The following ARFGEF2 variants were observed in gnomAD, a reference collection of about 807,000 sequenced individuals.
ARFGEF2 encodes the protein ARF guanine nucleotide exchange factor 2.
In ARFGEF2, 74 loss-of-function variants were observed where a neutral mutation model predicts 219.9. The observed-to-expected ratio is 0.34, with a 90% confidence interval of 0.28 to 0.41. The LOEUF is 0.41. Ranked by LOEUF, ARFGEF2 falls within the 10% of genes least tolerant of loss-of-function variation. The probability of loss-of-function intolerance (pLI) is 1.00; values close to 1 mark genes in which losing one functional copy is unlikely to be tolerated. For synonymous variants in ARFGEF2, 733 were observed against 799.2 expected, an observed-to-expected ratio of 0.92 and a Z score of 1.40; for missense variants, 1,743 against 2,218.3, an observed-to-expected ratio of 0.79 and a Z score of 4.30.
intron 27 of ARFGEF2, among the ~76,000 whole-genome samples, chr20:49,011,711 G>A (rs1463702540): frequency 2.6e-5 from 4 of 152,238 alleles, no homozygotes; most frequent in Non-Finnish European, 4.4e-5. Flanking sequence ...AGCGCAGGAA[G>A]ACTGTCTAGC....
rs772555441 is a variant in ARFGEF2, at chr20:48,985,609, C to G, written c.2272C>G (p.Gln758Glu). 7 of 1,614,072 alleles carry G rather than the reference C, an allele frequency of 4.3e-6. No individual in the cohort carries two copies. The South Asian group carries it at 6.6e-5, about 15-fold the overall frequency. ...TGCCGCAAGATACATAGAATGCAACCAAGGGTGAGCGCCGATTTTGAGTCC... is the reference window on the plus strand; with the variant it reads ...TGCCGCAAGATACATAGAATGCAACGAAGGGTGAGCGCCGATTTTGAGTCC... ...KFAARYIECN[Q>E]GQTLFASADT... is the part of the protein sequence containing the mutation. The change falls in exon 16 of 39, where the codon CAA becomes GAA. Residue 758 changes from glutamine (Q) to glutamate (E), a missense_variant. Physicochemically the swap from Gln to Glu is conservative, Grantham distance 29 (BLOSUM62 2). Around this residue, in one of 5 missense-constraint regions of ARFGEF2, gnomAD observed 666 missense variants for 955.4 expected, o/e 0.70. Transcript: ENST00000371917.
chr20:48,973,400 T>C (rs2091240622), intron 12 of ARFGEF2, 116 bp downstream of exon 12: 1 of 1,095,146 alleles, frequency 9.1e-7, no homozygotes. Context: ...AAAACAGGAA[T>C]GCATATTCAC....
chr20:48,921,885 G>A lies in ARFGEF2; in HGVS notation c.-5G>A, dbSNP rs375056092. On this transcript the variant is annotated 5_prime_UTR_variant, in exon 1 of 39. Transcript: ENST00000371917. ...GGGGCCGTCAGCCCCCGCCGGGCCG[G>A]GGCCATGCAGGAGAGCCAGACCAAG... 1.5e-4 allele frequency: 224 copies of A among 1,543,564 alleles called. 1 individual carries two copies. The highest frequency in any genetic ancestry group is 1.2e-4 in the Admixed American group (6 of 50,532).
intron 3 of ARFGEF2, among the ~76,000 whole-genome samples, chr20:48,950,805 AAAAAAAAT>A (rs1157121657): frequency 3.0e-4 from 12 of 40,226 alleles, no homozygotes; most frequent in African/African-American, 1.2e-3. Flanking sequence ...AAAAAAAAAA[AAAAAAAAT>A]ATATATATAT....
intron 35 of ARFGEF2, among the ~76,000 whole-genome samples, chr20:49,024,444 C>G (rs2091588462): frequency 6.6e-6 from 1 of 152,152 alleles, no homozygotes; most frequent in African/African-American, 2.4e-5. Flanking sequence ...CTAGCCCAGT[C>G]AAAGCGGCTG....
chr20:48,964,029 T>G (rs938278830), intron 7 of ARFGEF2, 131 bp downstream of exon 7: 6 of 807,890 alleles, frequency 7.4e-6, no homozygotes, highest in African/African-American at 5.1e-5. Context: ...AACTGAATCT[T>G]CCCACGTCTG....
At chr20:48,954,848 C>T (rs997329340) in intron 6 of ARFGEF2, among the ~76,000 whole-genome samples, 1 of 152,144 alleles carries the variant, frequency 6.6e-6, no homozygotes, top group Admixed American at 6.5e-5. Flanking sequence ...CAGAATCCCC[C>T]GGCCCACCCT....
chr20:48,956,444 G>A (rs138137919), intron 6 of ARFGEF2, among the ~76,000 whole-genome samples: 36 of 152,328 alleles, frequency 2.4e-4, no homozygotes, highest in African/African-American at 8.2e-4. Flanking sequence ...CGGGCCACTT[G>A]AGGCCAGGAG....
chr20:49,027,353 A>C (rs1218271431), intron 36 of ARFGEF2, among the ~76,000 whole-genome samples: 1 of 152,142 alleles, frequency 6.6e-6, no homozygotes, highest in Non-Finnish European at 1.5e-5. Flanking sequence ...AAGAGCTGTT[A>C]CATTTGAAAA....
chr20:48,998,312 T>G, intron 24 of ARFGEF2, 24 bp from the exon 25 acceptor site: 1 of 1,614,170 alleles, frequency 6.2e-7, no homozygotes, highest in Non-Finnish European at 8.5e-7. Flanking sequence ...AGGCTTTGCT[T>G]GTGTTGTTGG....
intron 1 of ARFGEF2, among the ~76,000 whole-genome samples, chr20:48,930,571 T>C (rs1397239847): frequency 6.6e-6 from 1 of 152,162 alleles, no homozygotes; most frequent in Non-Finnish European, 1.5e-5. Context: ...GCTGGGTGGA[T>C]GGTGCCTATT....
chr20:48,938,395 C>A (rs531846805), intron 1 of ARFGEF2, among the ~76,000 whole-genome samples: 5 of 152,338 alleles, frequency 3.3e-5, no homozygotes, highest in African/African-American at 1.2e-4. Context: ...CAGGGCTAGG[C>A]AGCTTGCAAA....
intron 1 of ARFGEF2, among the ~76,000 whole-genome samples, chr20:48,924,430 T>A (rs181657648): frequency 2.1e-5 from 3 of 143,920 alleles, no homozygotes; most frequent in East Asian, 4.1e-4. Context: ...GAGAATGGCG[T>A]GAACCCAGGA....
chr20:48,932,330 A>G (rs1275303304), intron 1 of ARFGEF2, among the ~76,000 whole-genome samples: 1 of 152,172 alleles, frequency 6.6e-6, no homozygotes, highest in Non-Finnish European at 1.5e-5. Context: ...GCAGCAGAAC[A>G]GCGATGATTG....
chr20:48,953,404 G>T, intron 5 of ARFGEF2, 152 bp from the exon 6 acceptor site: 1 of 748,330 alleles, frequency 1.3e-6, no homozygotes, highest in East Asian at 2.6e-5. Context: ...TCGAACTCCT[G>T]GGTTCAAGAA....
intron 28 of ARFGEF2, among the ~76,000 whole-genome samples, chr20:49,013,187 T>C (rs887005994): frequency 1.3e-5 from 2 of 152,204 alleles, no homozygotes; most frequent in Non-Finnish European, 2.9e-5. Flanking sequence ...TAGCTGCTGG[T>C]ATTATTTTAA....
rs1453379998 is a variant in ARFGEF2 at position 49,035,292 on chromosome 20, G to C, written c.*2093G>C. The stretch of plus-strand genomic sequence containing the variant: ...CCCTCTCTTTAATTTTGCCTCTTGA[G>C]GGGTAGCAGATGTGTCAGTGCATTT... On this transcript the variant is annotated 3_prime_UTR_variant, in exon 39 of 39. Coordinates refer to ENST00000371917, the MANE Select transcript of ARFGEF2 (RefSeq NM_006420.3). 3 of 152,130 alleles carry C rather than the reference G, an allele frequency of 2.0e-5. No individual in the cohort carries two copies. The highest frequency in any genetic ancestry group is 7.2e-5 in the African/African-American group (3 of 41,426). 9.4% of individuals were successfully genotyped at this position (152,130 alleles called of 1,614,324 possible).
At position 49,013,862 on chromosome 20, in the gene ARFGEF2, A is replaced by G. The variant is rs1415618208; in HGVS notation, c.4081A>G (p.Ser1361Gly). 6.2e-7 allele frequency: 1 copy of G among 1,613,928 alleles called. No homozygotes were observed. The highest frequency in any genetic ancestry group is 1.3e-5 in the African/African-American group (1 of 74,878). ...GLTVMFEIMK[S>G]YGHTFEKHWW... ...CACAGTCATGTTTGAGATCATGAAG[A>G]GCTATGGCCACACCTTTGAAAAGCA... Residue 1361 changes from serine (S) to glycine (G), a missense_variant, in exon 30 of 39, where the codon AGC (serine) becomes GGC (glycine). Ser to Gly is a moderately conservative substitution (Grantham distance 56). Coordinates refer to ENST00000371917, the MANE Select transcript of ARFGEF2 (RefSeq NM_006420.3).
Position 49,028,543 on chromosome 20 carries a change from G to T in ARFGEF2, c.4938G>T (p.Lys1646Asn). The change falls in exon 37 of 39, where the codon AAG becomes AAT. Residue 1646 changes from lysine to asparagine, a missense_variant. Lys to Asn is a moderately conservative substitution (Grantham distance 94). Around this residue, in one of 5 missense-constraint regions of ARFGEF2, gnomAD observed 578 missense variants for 664.0 expected, o/e 0.87. Coordinates refer to ENST00000371917, the MANE Select transcript of ARFGEF2 (RefSeq NM_006420.3). The stretch of plus-strand genomic sequence containing the variant: ...TCTGATCTCTAGGTTTTAAGGGCAA[G>T]TCTAAACCCAATCTTCTAAAACAAG... ...TVLWRAGFKG[K>N]SKPNLLKQET... 1 of 1,614,224 alleles carries T rather than the reference G, an allele frequency of 6.2e-7. No individual in the cohort carries two copies. Among genetic ancestry groups the T allele is most frequent in the Middle Eastern group, 1.6e-4 (1 of 6,062 alleles).
Sources: allele counts gnomAD v4.1 joint callset (sites outside exome capture counted in the v4.1 genomes callset), GRCh38; gene constraint gnomAD v4.1.1; regional missense constraint gnomAD v4.1.1; transcripts MANE v1.5; gene names NCBI Gene and HGNC (gene_info 2026-07-23, HGNC 2026-07-21).